CFAP92: variants seen among roughly 807,000 people sequenced by gnomAD.
CFAP92 encodes the protein uncharacterized protein CFAP92.
In CFAP92, 86 loss-of-function variants were observed where a neutral mutation model predicts 106.3. The ratio of observed to expected loss-of-function variants is 0.81; its 90% CI spans 0.68 to 0.97. The LOEUF is 0.97. CFAP92 is among the 50% of genes least tolerant of loss of function. The pLI is 0.00. For missense variants in CFAP92, 1,204 were observed against 1,283.8 expected (o/e 0.94, Z 0.95); for synonymous variants, 477 against 506.4 (o/e 0.94, Z 0.78).
rs748222640 is a variant in CFAP92, at chr3:128,910,120, C to T, written c.*179G>A. On this transcript the variant is annotated 3_prime_UTR_variant, in exon 16 of 16. Coordinates refer to ENST00000645291, the MANE Select transcript of CFAP92 (RefSeq NM_001394090.1). The stretch of plus-strand genomic sequence containing the variant: ...GCTGTCGCGGGCCAGCCGCTCCATC[C>T]GCATTGGGCTCCGCAACCACGACCA... The T allele has an allele frequency of 2.3e-5, 37 of 1,613,922 alleles. No homozygotes were observed. The highest frequency in any genetic ancestry group is 1.2e-4 in the South Asian group (11 of 91,062).
At chr3:128,932,020 A>G (rs561151453) in intron 12 of CFAP92, among the ~76,000 whole-genome samples, 2 of 152,202 alleles carry the variant, frequency 1.3e-5, no homozygotes, top group Non-Finnish European at 2.9e-5. Flanking sequence ...CCCGATTCAA[A>G]AAACATAAAA....
At chr3:129,004,109 T>C, upstream of CFAP92, 1 of 1,461,312 alleles carries the variant, frequency 6.8e-7, no homozygotes, top group East Asian at 2.8e-5. Context: ...GGGCCCAAGT[T>C]CCCCAATTCG....
chr3:128,971,223 G>C, intron 8 of CFAP92, 64 bp downstream of exon 8: 1 of 1,610,406 alleles, frequency 6.2e-7, no homozygotes, highest in Non-Finnish European at 8.5e-7. Context: ...AGGAGCATCC[G>C]CTTATGGCCG....
chr3:128,965,420 G>A (rs770688768), intron 9 of CFAP92, 91 bp downstream of exon 9: 1 of 398,196 alleles, frequency 2.5e-6, no homozygotes, highest in African/African-American at 2.1e-5. Flanking sequence ...TTTCTCATGT[G>A]GGGCCATCAG....
chr3:129,025,176 A>G, the CFAP92 span, among the ~76,000 whole-genome samples: 1 of 152,172 alleles, frequency 6.6e-6, no homozygotes, highest in Non-Finnish European at 1.5e-5. Flanking sequence ...GATAAGAAGT[A>G]GGAAGTCATG....
intron 9 of CFAP92, among the ~76,000 whole-genome samples, chr3:128,960,025 T>C (rs1221302574): frequency 6.6e-6 from 1 of 152,198 alleles, no homozygotes; most frequent in South Asian, 2.1e-4. Context: ...TTCTTTGTAA[T>C]TCTCCCCACT....
chr3:129,003,833 G>T, upstream of CFAP92: 1 of 1,462,694 alleles, frequency 6.8e-7, no homozygotes, highest in East Asian at 3.0e-5. Context: ...CCACGAGATG[G>T]GGCACGGCGG....
Position 128,910,346 on chromosome 3 carries a change from G to A in CFAP92, c.3281-13C>T, listed in dbSNP as rs1313938854. On this transcript the variant is annotated splice_polypyrimidine_tract_variant and intron_variant, in intron 15 of 15. Coordinates refer to ENST00000645291, the MANE Select transcript of CFAP92 (RefSeq NM_001394090.1). ...TTCTTCTTCCTGACTGAGAGAAGAG[G>A]GGGTGAGTGACAGGGGTTCCTGATC... The A allele has an allele frequency of 1.4e-6, 2 of 1,470,136 alleles. No homozygotes were observed. Among genetic ancestry groups the A allele is most frequent in the Admixed American group, 4.6e-5 (2 of 43,068 alleles). The allele number at this position is 1,470,136 out of a possible 1,614,324, so 91.1% of individuals were successfully genotyped here.
chr3:128,991,608 G>C (rs1944221870), intron 2 of CFAP92: 1 of 185,976 alleles, frequency 5.4e-6, no homozygotes, highest in African/African-American at 2.4e-5. Flanking sequence ...CGCCAGACTA[G>C]GACACTTCCT....
chr3:128,927,321 A>AAAGGAAGG (rs61088802), intron 12 of CFAP92, among the ~76,000 whole-genome samples: 2 of 150,722 alleles, frequency 1.3e-5, no homozygotes, highest in African/African-American at 4.9e-5. Context: ...AGGCAGAAGG[A>AAAGGAAGG]AAGGAAGGAA....
the CFAP92 span, among the ~76,000 whole-genome samples, chr3:129,018,379 C>T: frequency 2.6e-5 from 4 of 152,046 alleles, no homozygotes; most frequent in Non-Finnish European, 5.9e-5. Context: ...TAGGAAAAAA[C>T]TAAAAAAGGG....
At chr3:129,001,318 C>T (rs1295733402) in intron 1 of CFAP92, among the ~76,000 whole-genome samples, 2 of 152,136 alleles carry the variant, frequency 1.3e-5, no homozygotes, top group Non-Finnish European at 2.9e-5. Context: ...GCCAGGAACG[C>T]CCCGTGAGTG....
At position 128,945,322 on chromosome 3, in the gene CFAP92, C is replaced by G; in HGVS notation, c.2007G>C (p.Lys669Asn). 6.5e-7 allele frequency: 1 copy of G among 1,536,102 alleles called. No individual in the cohort carries two copies. The highest frequency in any genetic ancestry group is 8.7e-7 in the Non-Finnish European group (1 of 1,146,896). Residue 669 changes from lysine to asparagine, a missense_variant, in exon 10 of 16, where the codon AAG (lysine) becomes AAC (asparagine). Coordinates refer to ENST00000645291, the MANE Select transcript of CFAP92 (RefSeq NM_001394090.1). Reference sequence around the variant, plus strand: ...GCAGCAGGCTGTGGAGCAGGGAGACCTTCTTAAAGTCAAAGACGAAGATGA... The same window carrying G: ...GCAGCAGGCTGTGGAGCAGGGAGACGTTCTTAAAGTCAAAGACGAAGATGA... ...GRIIFVFDFKKVSLLHSLLQD... is the reference protein window; with the variant it reads ...GRIIFVFDFKNVSLLHSLLQD...
chr3:128,912,929 G>C (rs781443508), intron 15 of CFAP92: 1 of 531,734 alleles, frequency 1.9e-6, no homozygotes, highest in Non-Finnish European at 3.6e-6. Context: ...CTGCCTCCAG[G>C]GTGTGAGGTG....
At chr3:128,947,186 T>G (rs1683813) in intron 9 of CFAP92, among the ~76,000 whole-genome samples, 90,129 of 151,208 alleles carry the variant, frequency 0.6, 29,560 homozygotes, top group African/African-American at 0.88. Context: ...TTGCTCTCCA[T>G]GCAAAATGTA....
Position 128,980,291 on chromosome 3 carries a change from TAGG to T in CFAP92, c.668-2109_668-2107del, listed in dbSNP as rs1204583544. Among the ~76,000 whole-genome samples, 3 of 150,356 alleles carry T rather than the reference TAGG, an allele frequency of 2.0e-5. No individual in the cohort carries two copies. The East Asian group carries it at 5.9e-4, about 30-fold the overall frequency. On this transcript the variant is annotated intron_variant, in intron 4 of 15. Transcript: ENST00000645291. ...CTGAGGTGGGAGGGCTGCTTGATTC[TAGG>T]AGGTCAAGGCTACAGTGAGCCATGA...
At position 128,975,901 on chromosome 3, in the gene CFAP92, C is replaced by G. The variant is rs1173772856; in HGVS notation, c.899G>C (p.Trp300Ser). ...AATGGTTGGTGTTCTTGAAACACTC[C>G]ATCTAGAAAATTCACAAAGAGAAAA... ...LKMDDSSTIQ[W>S]SVSRTPTISL... The change falls in exon 7 of 16, where the codon TGG becomes TCG. Residue 300 changes from tryptophan to serine, a missense_variant and splice_region_variant. Coordinates refer to ENST00000645291, the MANE Select transcript of CFAP92 (RefSeq NM_001394090.1). 1.3e-6 allele frequency: 2 copies of G among 1,594,188 alleles called. No homozygotes were observed. Among genetic ancestry groups the G allele is most frequent in the East Asian group, 4.5e-5 (2 of 44,662 alleles).
At chr3:128,986,080 TC>T (rs1943838624) in intron 4 of CFAP92, among the ~76,000 whole-genome samples, 1 of 152,020 alleles carries the variant, frequency 6.6e-6, no homozygotes, top group African/African-American at 2.4e-5. Flanking sequence ...GTTCCAAGCC[TC>T]CAAGGTCAGA....
At chr3:128,958,738 AAAAAATAC>A (rs1941637916) in intron 9 of CFAP92, among the ~76,000 whole-genome samples, 1 of 151,524 alleles carries the variant, frequency 6.6e-6, no homozygotes, top group Non-Finnish European at 1.5e-5. Context: ...CTGTCTCTAC[AAAAAATAC>A]AAAAACTAGC....
Sources: allele counts gnomAD v4.1 joint callset (sites outside exome capture counted in the v4.1 genomes callset), GRCh38; gene constraint gnomAD v4.1.1; transcripts MANE v1.5; gene names NCBI Gene and HGNC (gene_info 2026-07-23, HGNC 2026-07-21).